The following DNAH11 variants were observed in gnomAD, a reference collection of about 807,000 sequenced individuals.
The protein encoded by DNAH11 is axonemal beta dynein heavy chain 11.
A neutral mutation model predicts 526.0 loss-of-function variants in DNAH11; 442 were observed. That is an observed-to-expected ratio of 0.84 (90% CI 0.78 to 0.91). The LOEUF (loss-of-function observed/expected upper bound fraction) is 0.91, where lower values mean the gene tolerates loss of function less well. Among genes scored for constraint, DNAH11 ranks in the 40% least tolerant of loss-of-function variants. The probability of loss-of-function intolerance (pLI) is 0.00; values close to 1 mark genes in which losing one functional copy is unlikely to be tolerated. For missense variants in DNAH11, 6,989 were observed against 5,448.7 expected, an observed-to-expected ratio of 1.28 and a Z score of -8.90; for synonymous variants, 2,461 against 1,935.9, an observed-to-expected ratio of 1.27 and a Z score of -7.12.
At chr7:21,555,991 G>A (rs1783204655) in intron 2 of DNAH11, among the ~76,000 whole-genome samples, 1 of 152,180 alleles carries the variant, frequency 6.6e-6, no homozygotes, top group Non-Finnish European at 1.5e-5. Context: ...AAGATTGGGT[G>A]TCTGGTAGGC....
chr7:21,723,504 C>G (rs1339718291), intron 44 of DNAH11, among the ~76,000 whole-genome samples: 9 of 152,204 alleles, frequency 5.9e-5, no homozygotes, highest in Admixed American at 5.9e-4. Flanking sequence ...AGCCTCCTCA[C>G]TGGGCTTTCT....
At chr7:21,632,393 A>T (rs1244111447) in intron 25 of DNAH11, among the ~76,000 whole-genome samples, 2 of 151,924 alleles carry the variant, frequency 1.3e-5, no homozygotes, top group Non-Finnish European at 2.9e-5. Flanking sequence ...AGAATATGGG[A>T]TTTTCTTTCC....
chr7:21,702,613 C>T (rs76396444), intron 36 of DNAH11, 97 bp from the exon 37 acceptor site: 1 of 929,272 alleles, frequency 1.1e-6, no homozygotes, highest in African/African-American at 1.7e-5. Context: ...GTGTATTTAT[C>T]TGAACTCCTT....
At chr7:21,642,080 C>T (rs1787155959) in intron 28 of DNAH11, among the ~76,000 whole-genome samples, 1 of 152,128 alleles carries the variant, frequency 6.6e-6, no homozygotes, top group Admixed American at 6.6e-5. Flanking sequence ...ACAGTTTTGA[C>T]ACACAGATTT....
intron 76 of DNAH11, among the ~76,000 whole-genome samples, chr7:21,887,697 T>G (rs543479376): frequency 1.6e-3 from 239 of 152,318 alleles, no homozygotes; most frequent in African/African-American, 5.6e-3. Flanking sequence ...ATTATATATA[T>G]TTAATATTTG....
intron 68 of DNAH11, among the ~76,000 whole-genome samples, chr7:21,857,126 G>T (rs1173503202): frequency 6.6e-6 from 1 of 152,154 alleles, no homozygotes; most frequent in South Asian, 2.1e-4. Flanking sequence ...TAGCAAGGTT[G>T]CAGGATATAA....
At chr7:21,811,371 G>A (rs1233811843) in intron 63 of DNAH11, among the ~76,000 whole-genome samples, 1 of 151,694 alleles carries the variant, frequency 6.6e-6, no homozygotes, top group African/African-American at 2.4e-5. Flanking sequence ...CAGGAGAATC[G>A]CTTAAACCCA....
intron 62 of DNAH11, among the ~76,000 whole-genome samples, chr7:21,806,487 C>T (rs1037995979): frequency 1.3e-5 from 2 of 152,114 alleles, no homozygotes; most frequent in Admixed American, 1.3e-4. Context: ...GATCTTGAAA[C>T]CACTTTGATA....
intron 30 of DNAH11, 40 bp from the exon 31 acceptor site, chr7:21,681,506 T>C: frequency 6.3e-7 from 1 of 1,595,560 alleles, no homozygotes. Flanking sequence ...ATTCTGTATT[T>C]GTAACCCTTC....
At chr7:21,645,628 A>C (rs1457088020) in intron 28 of DNAH11, among the ~76,000 whole-genome samples, 1 of 152,162 alleles carries the variant, frequency 6.6e-6, no homozygotes, top group African/African-American at 2.4e-5. Context: ...AATGGTTCTA[A>C]GGTGGATTGG....
intron 68 of DNAH11, among the ~76,000 whole-genome samples, chr7:21,858,600 A>C (rs1782943028): frequency 6.6e-6 from 1 of 152,230 alleles, no homozygotes; most frequent in Admixed American, 6.5e-5. Flanking sequence ...TGTTGAAAAG[A>C]AGCAGCCAGA....
chr7:21,648,661 A>C (rs1328732395), intron 28 of DNAH11, among the ~76,000 whole-genome samples: 1 of 152,242 alleles, frequency 6.6e-6, no homozygotes, highest in East Asian at 1.9e-4. Context: ...TGAAGAAGCC[A>C]TTAAATCTTG....
At chr7:21,676,523 T>C (rs568985747) in intron 30 of DNAH11, among the ~76,000 whole-genome samples, 11 of 152,334 alleles carry the variant, frequency 7.2e-5, no homozygotes, top group African/African-American at 2.6e-4. Flanking sequence ...AAGAGTATCA[T>C]CAGAGAAGGT....
At chr7:21,846,653 G>A (rs1387108208) in intron 66 of DNAH11, among the ~76,000 whole-genome samples, 4 of 152,148 alleles carry the variant, frequency 2.6e-5, no homozygotes, top group South Asian at 2.1e-4. Context: ...CAGAGATATC[G>A]GTCCGTAGTT....
rs1031067753 is a variant in DNAH11 at position 21,699,596 on chromosome 7, CTG to C, written c.6180+1386_6180+1387del. Among the ~76,000 whole-genome samples the C allele has an allele frequency of 1.4e-4, 22 of 152,172 alleles. No homozygotes were observed. The East Asian group carries it at 4.1e-3, about 28-fold the overall frequency. ...GTGATTTATGTTGTCCTTTTAGTAA[CTG>C]TGAATTTACATTGGGTGGGTGGAAT... On this transcript the variant is annotated intron_variant, in intron 36 of 81. Coordinates refer to ENST00000409508, the MANE Select transcript of DNAH11 (RefSeq NM_001277115.2).
chr7:21,872,123 C>CAAA lies in DNAH11; in HGVS notation c.11968-1127_11968-1125dup, dbSNP rs776718319. 2.2e-3 allele frequency among the ~76,000 whole-genome samples: 69 copies of CAAA among 30,826 alleles called. 5 individuals are homozygous for CAAA. The highest frequency in any genetic ancestry group is 7.3e-3 in the African/African-American group (58 of 7,948). 20.2% of individuals were successfully genotyped at this position (30,826 alleles called of 152,430 possible). ...TGGGTGACAGAGCGAGACTCTGTCT[C>CAAA]AAAAAAAAAAAAAAAAAAAAAAAAA... On this transcript the variant is annotated intron_variant, in intron 73 of 81. Transcript: ENST00000409508.
intron 73 of DNAH11, among the ~76,000 whole-genome samples, 163 bp from the exon 74 acceptor site, chr7:21,873,111 T>TTGATGTATTGATAAAGGAAAATTTTTA (rs919519426): frequency 1.3e-5 from 2 of 151,776 alleles, no homozygotes; most frequent in Admixed American, 6.6e-5. Flanking sequence ...TTTTGATGTA[T>TTGATGTATTGATAAAGGAAAATTTTTA]TGATGTATTG....
At chr7:21,759,220 G>C (rs1786779520) in intron 54 of DNAH11, among the ~76,000 whole-genome samples, 1 of 152,094 alleles carries the variant, frequency 6.6e-6, no homozygotes, top group Non-Finnish European at 1.5e-5. Flanking sequence ...GAATAGGAGA[G>C]TTTTGTTCAG....
intron 34 of DNAH11, among the ~76,000 whole-genome samples, chr7:21,689,395 T>C (rs2128474557): frequency 6.6e-6 from 1 of 152,370 alleles, no homozygotes; most frequent in East Asian, 1.9e-4. Flanking sequence ...TTTTAGCCCA[T>C]ATGCAGACAG....
Sources: allele counts gnomAD v4.1 joint callset (sites outside exome capture counted in the v4.1 genomes callset), GRCh38; gene constraint gnomAD v4.1.1; transcripts MANE v1.5; gene names NCBI Gene and HGNC (gene_info 2026-07-23, HGNC 2026-07-21).